RFT1: variants seen among roughly 807,000 people sequenced by gnomAD.
RFT1 encodes RFT1 glycolipid translocator homolog.
In RFT1, 43 loss-of-function variants were observed where a neutral mutation model predicts 62.2. The observed-to-expected ratio is 0.69, with a 90% CI of 0.54 to 0.89. The LOEUF is 0.89. Ranked by LOEUF, RFT1 falls within the 40% of genes least tolerant of loss-of-function variation. The pLI is 0.00. For synonymous variants in RFT1, 262 were observed against 264.6 expected (o/e 0.99, Z 0.10); for missense variants, 605 against 649.9 (o/e 0.93, Z 0.75).
At chr3:53,094,351 G>GCACACA (rs55637878) in intron 11 of RFT1, among the ~76,000 whole-genome samples, 7 of 149,804 alleles carry the variant, frequency 4.7e-5, no homozygotes, top group African/African-American at 1.5e-4. Flanking sequence ...AATACTACAC[G>GCACACA]CACACACACA....
chr3:53,083,172 GC>G, the RFT1 span, among the ~76,000 whole-genome samples: 1 of 131,504 alleles, frequency 7.6e-6, no homozygotes, highest in Non-Finnish European at 1.5e-5. Flanking sequence ...CTGCACCCCA[GC>G]CTGGGTGACA....
At chr3:53,111,015 T>C (rs971963841) in intron 7 of RFT1, among the ~76,000 whole-genome samples, 1 of 152,190 alleles carries the variant, frequency 6.6e-6, no homozygotes, top group Non-Finnish European at 1.5e-5. Flanking sequence ...CAAACTCTCA[T>C]ACAAGTGCAT....
In RFT1 at chr3:53,091,755, A is replaced by T. The variant is rs1700993498; in HGVS notation, c.*148T>A. 1.2e-6 allele frequency: 1 copy of T among 816,336 alleles called. No individual in the cohort carries two copies. Among genetic ancestry groups the T allele is most frequent in the Admixed American group, 2.0e-5 (1 of 50,078 alleles). 50.6% of individuals were successfully genotyped at this position (816,336 alleles called of 1,614,324 possible). ...GACTTCGAATGGTCACAGGTGTCTC[A>T]TGCAGTGGCACTCTCTGGTGCCTCA... On this transcript the variant is annotated 3_prime_UTR_variant, in exon 13 of 13. Transcript: ENST00000296292.
chr3:53,095,941 G>T (rs1701126782), intron 11 of RFT1, among the ~76,000 whole-genome samples: 2 of 152,078 alleles, frequency 1.3e-5, no homozygotes, highest in Non-Finnish European at 1.5e-5. Context: ...GCACTCAAAG[G>T]CCAACAAATC....
chr3:53,095,545 C>A (rs1054169946), intron 11 of RFT1, among the ~76,000 whole-genome samples: 1 of 151,932 alleles, frequency 6.6e-6, no homozygotes, highest in East Asian at 1.9e-4. Context: ...CCAGAGACTC[C>A]GTCTCTACAA....
chr3:53,111,248 A>G (rs1227509325), intron 7 of RFT1, among the ~76,000 whole-genome samples: 4 of 152,082 alleles, frequency 2.6e-5, no homozygotes, highest in Non-Finnish European at 5.9e-5. Context: ...TACTAAAAAT[A>G]CAAAAAAATT....
At chr3:53,103,042 G>C in intron 10 of RFT1, 1 of 911,940 alleles carries the variant, frequency 1.1e-6, no homozygotes, top group Non-Finnish European at 1.3e-6. Flanking sequence ...AAGCCCCAGG[G>C]AGCTGCAAAC....
chr3:53,103,912 T>C (rs951644897), intron 10 of RFT1, 41 bp downstream of exon 10: 1 of 1,612,382 alleles, frequency 6.2e-7, no homozygotes, highest in Non-Finnish European at 8.5e-7. Flanking sequence ...TCTATTTATG[T>C]TGGGAAATCA....
the RFT1 span, among the ~76,000 whole-genome samples, chr3:53,078,543 A>G: frequency 6.6e-6 from 1 of 152,138 alleles, no homozygotes; most frequent in South Asian, 2.1e-4. Flanking sequence ...GTGTGAGACT[A>G]GCCTGGGCAA....
chr3:53,111,978 A>C, intron 6 of RFT1, 70 bp from the exon 7 acceptor site: 2 of 1,216,492 alleles, frequency 1.6e-6, no homozygotes, highest in South Asian at 2.4e-5. Context: ...ATGCTACATG[A>C]GAGGCAAATG....
At chr3:53,097,243 A>C (rs1701168939) in intron 11 of RFT1, among the ~76,000 whole-genome samples, 1 of 146,592 alleles carries the variant, frequency 6.8e-6, no homozygotes, top group South Asian at 2.1e-4. Context: ...ACAGAGATTA[A>C]AAAAAAAAAA....
intron 6 of RFT1, among the ~76,000 whole-genome samples, chr3:53,119,156 G>C (rs1196973916): frequency 1.3e-5 from 2 of 151,944 alleles, no homozygotes; most frequent in Admixed American, 1.3e-4. Context: ...CAAGGCTGTA[G>C]TGAGCTATGA....
chr3:53,093,937 C>T (rs1341724337), intron 11 of RFT1, among the ~76,000 whole-genome samples: 1 of 152,072 alleles, frequency 6.6e-6, no homozygotes, highest in African/African-American at 2.4e-5. Context: ...AGGCTGGAGC[C>T]CAGGAGTTCA....
intron 1 of RFT1, among the ~76,000 whole-genome samples, chr3:53,129,064 A>C (rs569031265): frequency 3.9e-5 from 6 of 152,328 alleles, no homozygotes; most frequent in Non-Finnish European, 7.3e-5. Flanking sequence ...CTGAAAAAAA[A>C]CCAACATTGT....
rs559202791 is a variant in RFT1 at position 53,124,066 on chromosome 3, G to A, written c.150-226C>T. Among the ~76,000 whole-genome samples the A allele has an allele frequency of 9.8e-5, 15 of 152,348 alleles. No individual in the cohort carries two copies. The East Asian group carries it at 2.1e-3, about 22-fold the overall frequency. On this transcript the variant is annotated intron_variant, in intron 2 of 12. Transcript: ENST00000296292. Reference sequence around the variant, plus strand: ...TGAGGGTGTGTGCCTACAGTTACGTGAAGGATAGAAACTGCTGCAGTGGCC... The same window carrying A: ...TGAGGGTGTGTGCCTACAGTTACGTAAAGGATAGAAACTGCTGCAGTGGCC...
intron 12 of RFT1, 28 bp from the exon 13 acceptor site, chr3:53,092,098 T>G: frequency 6.2e-7 from 1 of 1,613,606 alleles, no homozygotes; most frequent in Non-Finnish European, 8.5e-7. Flanking sequence ...TGTCAGTGCC[T>G]GTTCCTCAGT....
downstream of RFT1, among the ~76,000 whole-genome samples, chr3:53,083,493 TAAAAA>T (rs11350349): frequency 7.7e-6 from 1 of 130,100 alleles, no homozygotes; most frequent in Non-Finnish European, 1.6e-5. Context: ...AGACCCTATC[TAAAAA>T]AAAAAAAAAA....
intron 11 of RFT1, 85 bp downstream of exon 11, chr3:53,099,296 T>C (rs1701242244): frequency 1.1e-5 from 12 of 1,128,134 alleles, no homozygotes; most frequent in Non-Finnish European, 2.7e-6. Context: ...TAAATGCATG[T>C]TCAGAACGAA....
downstream of RFT1, among the ~76,000 whole-genome samples, chr3:53,086,465 G>GCA (rs1459294062): frequency 3.3e-5 from 5 of 152,080 alleles, no homozygotes; most frequent in Non-Finnish European, 7.4e-5. Flanking sequence ...ACAGGCATCT[G>GCA]CCACCATGCC....
Sources: allele counts gnomAD v4.1 joint callset (sites outside exome capture counted in the v4.1 genomes callset), GRCh38; gene constraint gnomAD v4.1.1; transcripts MANE v1.5; gene names NCBI Gene and HGNC (gene_info 2026-07-23, HGNC 2026-07-21).